Variants in NDST4 observed in about 807,000 individuals in gnomAD.
NDST4 encodes N-deacetylase and N-sulfotransferase 4.
NDST4 carries 63 observed loss-of-function variants against 100.8 expected under a neutral mutation model. The observed-to-expected ratio is 0.62, with a 90% CI of 0.51 to 0.77. The LOEUF is 0.77. NDST4 is among the 30% of genes least tolerant of loss of function. NDST4 has a pLI of 0.00. For missense variants in NDST4, 943 were observed against 1,018.4 expected (o/e 0.93, Z 1.01); for synonymous variants, 377 against 361.8 (o/e 1.04, Z -0.48).
chr4:114,918,560 T>A (rs1374018715), intron 6 of NDST4, among the ~76,000 whole-genome samples: 1 of 149,804 alleles, frequency 6.7e-6, no homozygotes, highest in African/African-American at 2.4e-5. Flanking sequence ...TAAAAATAAA[T>A]AAAAAAAAAA....
At chr4:114,892,984 A>T (rs1724631829) in intron 6 of NDST4, among the ~76,000 whole-genome samples, 1 of 152,018 alleles carries the variant, frequency 6.6e-6, no homozygotes, top group Non-Finnish European at 1.5e-5. Flanking sequence ...TGTGAGTGAG[A>T]ACATGGTGTG....
chr4:114,843,154 T>C (rs1190784000), intron 10 of NDST4, among the ~76,000 whole-genome samples: 1 of 152,228 alleles, frequency 6.6e-6, no homozygotes, highest in Non-Finnish European at 1.5e-5. Context: ...CACATTAACA[T>C]AGCAGTTTCT....
intron 7 of NDST4, among the ~76,000 whole-genome samples, chr4:114,868,947 TA>T (rs1560786944): frequency 1.8e-4 from 1 of 5,622 alleles, no homozygotes; most frequent in Non-Finnish European, 8.3e-4. Context: ...TTGCAAATTA[TA>T]TATATATATA....
At position 115,072,661 on chromosome 4, in the gene NDST4, A is replaced by AT. The variant is rs576859507; in HGVS notation, c.978+3397dup. Among the ~76,000 whole-genome samples, 12 of 152,088 alleles carry AT rather than the reference A, an allele frequency of 7.9e-5. No homozygotes were observed. In the South Asian group the frequency reaches 8.3e-4, roughly 10 times the overall value. On this transcript the variant is annotated intron_variant, in intron 2 of 13. Transcript: ENST00000264363. The stretch of plus-strand genomic sequence containing the variant: ...GGCAGAAGCATGAAATTAGAGCCTC[A>AT]TCTCACACTATATAAAAAAACAACT...
In NDST4 at chr4:115,076,689, A is replaced by G. The variant is rs1340493260; in HGVS notation, c.348T>C (p.Asp116=). 2.5e-6 allele frequency: 4 copies of G among 1,613,916 alleles called. No homozygotes were observed. The East Asian group carries it at 8.9e-5, about 36-fold the overall frequency. The part of the protein sequence containing the change: ...YHMVIAPGKG[D]IPPLTDNGKG... The stretch of plus-strand genomic sequence containing the variant: ...TGCCATTATCTGTAAGAGGAGGTAT[A>G]TCTCCCTTTCCAGGGGCAATAACCA... Residue 116 remains aspartate, a synonymous_variant, in exon 2 of 14, where the codon GAT becomes GAC. Coordinates refer to ENST00000264363, the MANE Select transcript of NDST4 (RefSeq NM_022569.3).
intron 4 of NDST4, among the ~76,000 whole-genome samples, chr4:114,963,389 G>A (rs1157007173): frequency 1.3e-5 from 2 of 152,034 alleles, no homozygotes; most frequent in Non-Finnish European, 2.9e-5. Context: ...GCAAATCTGT[G>A]AAGACAAAAA....
chr4:115,062,622 G>T (rs563247854), intron 2 of NDST4, among the ~76,000 whole-genome samples: 53 of 151,074 alleles, frequency 3.5e-4, no homozygotes, highest in African/African-American at 1.3e-3. Context: ...ACTATCTAAA[G>T]AACTTTAAAA....
intron 1 of NDST4, among the ~76,000 whole-genome samples, chr4:115,088,520 CTTCCTCACCT>C (rs531457882): frequency 6.6e-6 from 1 of 151,936 alleles, no homozygotes; most frequent in Non-Finnish European, 1.5e-5. Flanking sequence ...GTCCCTACCA[CTTCCTCACCT>C]TTCCTAGTTT....
rs563526561 is a variant in NDST4 at position 114,991,846 on chromosome 4, A to G, written c.979-14572T>C. On this transcript the variant is annotated intron_variant, in intron 2 of 13. Coordinates refer to ENST00000264363, the MANE Select transcript of NDST4 (RefSeq NM_022569.3). ...ATATGGATTATTTGAATCTTGTACT[A>G]CACTGCTTTTTAATTAAAATTTAAC... is the stretch of plus-strand genomic sequence containing the variant. Among the ~76,000 whole-genome samples, 208 of 152,180 alleles carry G rather than the reference A, an allele frequency of 1.4e-3. 1 individual carries two copies. Among genetic ancestry groups the G allele is most frequent in the African/African-American group, 4.8e-3 (198 of 41,568 alleles).
chr4:114,892,949 G>A (rs544024641), intron 6 of NDST4, among the ~76,000 whole-genome samples: 2 of 151,842 alleles, frequency 1.3e-5, no homozygotes, highest in African/African-American at 2.4e-5. Context: ...CTGTGTCCAC[G>A]TGTTCTCAAT....
intron 2 of NDST4, 51 bp downstream of exon 2, chr4:115,076,008 G>A (rs570741): frequency 0.15 from 223,203 of 1,522,952 alleles, 20,553 homozygotes; most frequent in East Asian, 0.48. Flanking sequence ...ATATTTTATC[G>A]GTACCATATT....
chr4:114,858,617 G>A (rs1000060137), intron 7 of NDST4, among the ~76,000 whole-genome samples: 8 of 152,146 alleles, frequency 5.3e-5, no homozygotes, highest in African/African-American at 1.9e-4. Context: ...TTTATTTAAG[G>A]AATACACTAT....
chr4:115,072,618 G>A (rs1042556881), intron 2 of NDST4, among the ~76,000 whole-genome samples: 1 of 151,852 alleles, frequency 6.6e-6, no homozygotes, highest in African/African-American at 2.4e-5. Context: ...ATAGTGTTAG[G>A]AAAACTAGAT....
intron 6 of NDST4, among the ~76,000 whole-genome samples, chr4:114,910,822 T>C (rs1303885903): frequency 6.6e-6 from 1 of 152,232 alleles, no homozygotes; most frequent in Non-Finnish European, 1.5e-5. Flanking sequence ...TCACCTGCTC[T>C]TCAGGCTAAA....
intron 7 of NDST4, among the ~76,000 whole-genome samples, chr4:114,870,282 T>C (rs547714612): frequency 1.3e-5 from 2 of 152,288 alleles, no homozygotes; most frequent in South Asian, 4.1e-4. Flanking sequence ...AAAGTGAAGA[T>C]ATGCTTGAGA....
chr4:114,964,956 G>A (rs72681433), intron 4 of NDST4, among the ~76,000 whole-genome samples: 1 of 151,140 alleles, frequency 6.6e-6, no homozygotes. Flanking sequence ...ATGCCTTGGT[G>A]CTTCAGGGTT....
intron 1 of NDST4, among the ~76,000 whole-genome samples, chr4:115,096,186 G>C: frequency 1.9e-5 from 1 of 51,496 alleles, no homozygotes; most frequent in African/African-American, 1.1e-4. Flanking sequence ...TTCTGATAAT[G>C]GATAGAACAT....
chr4:114,852,688 T>A, intron 8 of NDST4, 37 bp downstream of exon 8: 5 of 1,151,048 alleles, frequency 4.3e-6, no homozygotes, highest in Non-Finnish European at 6.4e-6. Context: ...AAAATATTTT[T>A]AAAAAGGATA....
intron 4 of NDST4, among the ~76,000 whole-genome samples, chr4:114,965,698 GC>G (rs1726364807): frequency 6.6e-6 from 1 of 151,936 alleles, no homozygotes; most frequent in South Asian, 2.1e-4. Flanking sequence ...GAACTGAAAA[GC>G]CCTACTGGCT....
Sources: allele counts gnomAD v4.1 joint callset (sites outside exome capture counted in the v4.1 genomes callset), GRCh38; gene constraint gnomAD v4.1.1; transcripts MANE v1.5; gene names NCBI Gene and HGNC (gene_info 2026-07-23, HGNC 2026-07-21).